The following RAB38 variants were observed in gnomAD, a reference collection of about 807,000 sequenced individuals.
RAB38 encodes ras-related protein Rab-38.
RAB38 carries 15 observed loss-of-function variants against 18.4 expected under a neutral mutation model. The ratio of observed to expected loss-of-function variants is 0.82; its 90% CI spans 0.55 to 1.26. RAB38 has a LOEUF of 1.26. RAB38 is among the 50% of genes most tolerant of loss of function. The pLI is 0.00. For synonymous variants in RAB38, 101 were observed against 104.4 expected (o/e 0.97, Z 0.20); for missense variants, 294 against 267.4 (o/e 1.10, Z -0.69).
the RAB38 span, among the ~76,000 whole-genome samples, chr11:87,865,703 G>A: frequency 1.3e-5 from 2 of 151,696 alleles, no homozygotes; most frequent in Non-Finnish European, 2.9e-5. Context: ...GAGAAGAAAA[G>A]AAGGAAAAGA....
chr11:87,840,996 C>T, the RAB38 span, among the ~76,000 whole-genome samples: 1 of 152,146 alleles, frequency 6.6e-6, no homozygotes, highest in African/African-American at 2.4e-5. Flanking sequence ...ATCCAAATTC[C>T]ATCATTCCTG....
chr11:88,092,945 G>A, the RAB38 span, among the ~76,000 whole-genome samples: 4 of 151,784 alleles, frequency 2.6e-5, no homozygotes, highest in Admixed American at 2.6e-4. Flanking sequence ...CCACAGCCAG[G>A]CTTCATAAAG....
chr11:87,885,204 G>A, the RAB38 span, among the ~76,000 whole-genome samples: 28 of 151,842 alleles, frequency 1.8e-4, no homozygotes, highest in Non-Finnish European at 3.8e-4. Context: ...ATCCTTAGTT[G>A]CTCTGTTGCT....
the RAB38 span, among the ~76,000 whole-genome samples, chr11:88,031,396 A>G: frequency 1.8e-3 from 275 of 150,426 alleles, 1 homozygote; most frequent in African/African-American, 6.2e-3. Context: ...AGGCAGGAGA[A>G]GGAAATAAAG....
At chr11:87,877,332 C>A in the RAB38 span, among the ~76,000 whole-genome samples, 11 of 151,346 alleles carry the variant, frequency 7.3e-5, no homozygotes, top group Non-Finnish European at 1.5e-4. Context: ...TTTCTGGGAC[C>A]CAATTTTCTC....
At chr11:88,033,759 G>A in the RAB38 span, among the ~76,000 whole-genome samples, 18 of 118,494 alleles carry the variant, frequency 1.5e-4, no homozygotes, top group Middle Eastern at 6.9e-3. Context: ...ATGGAGTCTC[G>A]CTCTGTCGCC....
chr11:88,129,785 T>C (rs1942745152), intron 2 of RAB38, among the ~76,000 whole-genome samples: 2 of 152,240 alleles, frequency 1.3e-5, no homozygotes, highest in African/African-American at 4.8e-5. Flanking sequence ...TATTTCTTAT[T>C]GAATGAAACA....
chr11:87,883,185 C>T, the RAB38 span, among the ~76,000 whole-genome samples: 9 of 151,908 alleles, frequency 5.9e-5, no homozygotes, highest in Non-Finnish European at 1.0e-4. Flanking sequence ...AACTCTAGAT[C>T]ACTCGATATT....
At chr11:88,043,851 C>A in the RAB38 span, among the ~76,000 whole-genome samples, 2 of 152,136 alleles carry the variant, frequency 1.3e-5, no homozygotes, top group Non-Finnish European at 2.9e-5. Flanking sequence ...GAGATCAATC[C>A]CCTCTCCTCC....
chr11:88,120,532 C>G (rs1942616587), intron 2 of RAB38, among the ~76,000 whole-genome samples: 1 of 152,116 alleles, frequency 6.6e-6, no homozygotes, highest in South Asian at 2.1e-4. Flanking sequence ...TTTGGTGTAA[C>G]AGTCATTGGG....
chr11:87,831,334 G>T, the RAB38 span, among the ~76,000 whole-genome samples: 1 of 152,110 alleles, frequency 6.6e-6, no homozygotes, highest in Non-Finnish European at 1.5e-5. Flanking sequence ...CATAGTTTAT[G>T]CTTAGCCCCA....
At chr11:87,826,417 T>G in the RAB38 span, among the ~76,000 whole-genome samples, 2 of 152,298 alleles carry the variant, frequency 1.3e-5, no homozygotes, top group South Asian at 2.1e-4. Context: ...CTTGCTATTT[T>G]ATAATCTTTT....
At chr11:88,111,832 T>C (rs1942478504), downstream of RAB38, among the ~76,000 whole-genome samples, 1 of 152,220 alleles carries the variant, frequency 6.6e-6, no homozygotes, top group Admixed American at 6.5e-5. Context: ...TAGGCTCTCC[T>C]GGAGAACACA....
chr11:88,156,856 A>G (rs1565219178), intron 1 of RAB38, among the ~76,000 whole-genome samples: 1 of 152,256 alleles, frequency 6.6e-6, no homozygotes, highest in Non-Finnish European at 1.5e-5. Context: ...ATGGCAATGA[A>G]AAAACTCTAC....
chr11:87,889,189 TACAG>T, the RAB38 span, among the ~76,000 whole-genome samples: 2 of 108,116 alleles, frequency 1.8e-5, no homozygotes, highest in African/African-American at 6.8e-5. Flanking sequence ...GCCCAGGAAG[TACAG>T]ACAAAGGAAA....
the RAB38 span, among the ~76,000 whole-genome samples, chr11:87,885,850 G>T: frequency 6.6e-6 from 1 of 151,928 alleles, no homozygotes; most frequent in Non-Finnish European, 1.5e-5. Context: ...ATCAATCAAA[G>T]AATAAATAGG....
At chr11:88,023,361 C>CAA in the RAB38 span, among the ~76,000 whole-genome samples, 5 of 142,038 alleles carry the variant, frequency 3.5e-5, no homozygotes, top group Admixed American at 1.4e-4. Flanking sequence ...AAGCTCTCTA[C>CAA]AAAAAAAAAA....
intron 1 of RAB38, among the ~76,000 whole-genome samples, chr11:88,156,213 A>G (rs1024664933): frequency 1.3e-5 from 2 of 152,186 alleles, no homozygotes; most frequent in African/African-American, 4.8e-5. Context: ...GAACATCACT[A>G]AGGCATATAG....
the RAB38 span, among the ~76,000 whole-genome samples, chr11:87,911,434 T>G: frequency 6.6e-6 from 1 of 152,194 alleles, no homozygotes; most frequent in Admixed American, 6.5e-5. Context: ...ATTAGGTCTT[T>G]GTAAGTTTGC....
Sources: allele counts gnomAD v4.1 joint callset (sites outside exome capture counted in the v4.1 genomes callset), GRCh38; gene constraint gnomAD v4.1.1; transcripts MANE v1.5; gene names NCBI Gene and HGNC (gene_info 2026-07-23, HGNC 2026-07-21).